The following PTPN22 variants were observed in gnomAD, a reference collection of about 807,000 sequenced individuals.
PTPN22 encodes tyrosine-protein phosphatase non-receptor type 22.
PTPN22 carries 85 observed loss-of-function variants against 103.3 expected under a neutral mutation model. The ratio of observed to expected loss-of-function variants is 0.82; its 90% CI spans 0.69 to 0.99. PTPN22 has a LOEUF of 0.99. Ranked by LOEUF, PTPN22 falls within the 50% of genes least tolerant of loss-of-function variation. The pLI is 0.00. For missense variants in PTPN22, 865 were observed against 936.9 expected (o/e 0.92, Z 1.00); for synonymous variants, 323 against 310.2 (o/e 1.04, Z -0.43).
At chr1:113,847,371 A>G (rs1664187515) in intron 11 of PTPN22, among the ~76,000 whole-genome samples, 1 of 131,414 alleles carries the variant, frequency 7.6e-6, no homozygotes, top group South Asian at 2.5e-4. Context: ...TTAATTGCTC[A>G]TTGAAGCATT....
chr1:113,832,668 A>G (rs1662649848), intron 16 of PTPN22, among the ~76,000 whole-genome samples: 1 of 152,240 alleles, frequency 6.6e-6, no homozygotes, highest in Non-Finnish European at 1.5e-5. Flanking sequence ...CACTTGTGAT[A>G]ATGTAAACAA....
chr1:113,855,012 C>G, exon 8 of PTPN22: 1 of 1,609,766 alleles, frequency 6.2e-7, no homozygotes, highest in Non-Finnish European at 8.5e-7. Flanking sequence ...ATGGTCTGGC[C>G]AATTCTTGTA....
intron 1 of PTPN22, among the ~76,000 whole-genome samples, chr1:113,863,481 T>C (rs1665802982): frequency 6.6e-6 from 1 of 152,210 alleles, no homozygotes; most frequent in Non-Finnish European, 1.5e-5. Context: ...GTTAGAGAAA[T>C]CAGCTTCAGA....
At chr1:113,826,895 T>A (rs1662126421) in intron 18 of PTPN22, among the ~76,000 whole-genome samples, 1 of 151,576 alleles carries the variant, frequency 6.6e-6, no homozygotes. Flanking sequence ...GGCCTCGATC[T>A]CCTGACCTCG....
chr1:113,827,712 G>A (rs1662211862), intron 18 of PTPN22, among the ~76,000 whole-genome samples: 1 of 152,076 alleles, frequency 6.6e-6, no homozygotes. Context: ...GCTCACACCT[G>A]TAATCCCAGC....
At chr1:113,857,837 A>G in intron 4 of PTPN22, 61 bp from the exon 5 acceptor site, 1 of 1,449,478 alleles carries the variant, frequency 6.9e-7, no homozygotes. Flanking sequence ...AGCAGTTAAT[A>G]CATGGATCCC....
intron 19 of PTPN22, among the ~76,000 whole-genome samples, chr1:113,824,062 T>C (rs972757168): frequency 6.6e-6 from 1 of 152,150 alleles, no homozygotes; most frequent in African/African-American, 2.4e-5. Context: ...TTTCACTGAT[T>C]AACCAAATGT....
chr1:113,824,779 A>G (rs984560538), intron 19 of PTPN22, among the ~76,000 whole-genome samples: 3 of 151,888 alleles, frequency 2.0e-5, no homozygotes, highest in Admixed American at 6.6e-5. Context: ...CAGGAGGATC[A>G]CTTGAGCCCA....
chr1:113,847,657 C>G (rs1157535221), intron 11 of PTPN22, among the ~76,000 whole-genome samples: 13 of 151,524 alleles, frequency 8.6e-5, no homozygotes, highest in Non-Finnish European at 7.4e-5. Flanking sequence ...CAGATCACTG[C>G]AACCTCCGCC....
intron 1 of PTPN22, among the ~76,000 whole-genome samples, chr1:113,864,699 G>A (rs7549685): frequency 0.22 from 32,771 of 150,964 alleles, 4,472 homozygotes; most frequent in South Asian, 0.39. Flanking sequence ...TCACGAGGTC[G>A]GGAGATCGAG....
chr1:113,848,238 G>A (rs571453034), intron 11 of PTPN22, among the ~76,000 whole-genome samples: 101 of 151,388 alleles, frequency 6.7e-4, no homozygotes, highest in African/African-American at 2.3e-3. Context: ...TTGGAGATGG[G>A]GTTCACCATG....
chr1:113,836,518 A>G (rs143505571), intron 13 of PTPN22, among the ~76,000 whole-genome samples: 3 of 152,360 alleles, frequency 2.0e-5, no homozygotes, highest in Non-Finnish European at 2.9e-5. Flanking sequence ...AGATAATTCA[A>G]TTTTTAGCAA....
rs929886695 is a variant in PTPN22 at position 113,848,963 on chromosome 1, TA to T, written c.829-338del. On this transcript the variant is annotated intron_variant, in intron 10 of 20. Transcript: ENST00000359785. ...CTAATTCTGTTTCCCTTGCTCACAT[TA>T]AAAAAAAAAATATTTCATTCTAGAT... Among the ~76,000 whole-genome samples, 654 of 147,544 alleles carry T rather than the reference TA, an allele frequency of 4.4e-3. 12 individuals are homozygous for T. The East Asian group carries it at 0.049, about 11-fold the overall frequency.
chr1:113,832,943 C>G (rs1267140860), intron 16 of PTPN22, 168 bp downstream of exon 16: 1 of 621,470 alleles, frequency 1.6e-6, no homozygotes, highest in African/African-American at 1.9e-5. Context: ...CTGTCTTCAC[C>G]TTGCTCTTTA....
At chr1:113,838,276 C>T in exon 13 of PTPN22, 1 of 1,613,986 alleles carries the variant, frequency 6.2e-7, no homozygotes, top group Non-Finnish European at 8.5e-7. Context: ...AAAAGAAGTG[C>T]TTGATTTAGC....
intron 18 of PTPN22, chr1:113,829,039 TAGAA>T (rs542532535): frequency 2.0e-5 from 3 of 152,140 alleles, no homozygotes; most frequent in South Asian, 4.1e-4. Flanking sequence ...AAAATTATTT[TAGAA>T]AGACATTTAT....
chr1:113,817,577 ACAGGCACAT>A (rs1558012447), intron 20 of PTPN22, among the ~76,000 whole-genome samples: 1 of 152,012 alleles, frequency 6.6e-6, no homozygotes, highest in Non-Finnish European at 1.5e-5. Flanking sequence ...AGCTGGGACT[ACAGGCACAT>A]GCCACCATGC....
chr1:113,826,707 T>C (rs914022324), intron 18 of PTPN22, among the ~76,000 whole-genome samples: 2 of 131,356 alleles, frequency 1.5e-5, no homozygotes, highest in African/African-American at 5.7e-5. Flanking sequence ...TCTCGCTCTG[T>C]CGCCCAGGCT....
At chr1:113,859,013 T>C (rs1466711075) in exon 3 of PTPN22, 1 of 1,613,814 alleles carries the variant, frequency 6.2e-7, no homozygotes, top group Admixed American at 1.7e-5. Context: ...TTAATGAAGT[T>C]GGCATTGATG....
Sources: allele counts gnomAD v4.1 joint callset (sites outside exome capture counted in the v4.1 genomes callset), GRCh38; gene constraint gnomAD v4.1.1; transcripts MANE v1.5; gene names NCBI Gene and HGNC (gene_info 2026-07-23, HGNC 2026-07-21).